Variants in FRYL observed in about 807,000 individuals in gnomAD.
FRYL encodes protein furry homolog-like.
FRYL carries 150 observed loss-of-function variants against 351.2 expected under a neutral mutation model. The ratio of observed to expected loss-of-function variants is 0.43; its 90% CI spans 0.37 to 0.49. The LOEUF (loss-of-function observed/expected upper bound fraction) is 0.49. FRYL is among the 20% of genes least tolerant of loss of function. The pLI, the probability that FRYL is intolerant of heterozygous loss-of-function variation, is 0.00. For missense variants in FRYL, 3,036 were observed against 3,619.3 expected (o/e 0.84, Z 4.13); for synonymous variants, 1,153 against 1,257.1 (o/e 0.92, Z 1.75).
chr4:48,528,919 A>G (rs1726899415), intron 50 of FRYL, among the ~76,000 whole-genome samples: 1 of 152,182 alleles, frequency 6.6e-6, no homozygotes, highest in South Asian at 2.1e-4. Flanking sequence ...TTGACTTTGT[A>G]AAGTGTTTTA....
At chr4:48,541,942 A>G (rs1305507358) in intron 45 of FRYL, 85 bp downstream of exon 45, 1 of 920,710 alleles carries the variant, frequency 1.1e-6, no homozygotes, top group Non-Finnish European at 1.8e-6. Context: ...GCTTACTAAC[A>G]ATATTAGAAT....
intron 1 of FRYL, among the ~76,000 whole-genome samples, chr4:48,775,177 C>A (rs1286877345): frequency 1.3e-5 from 2 of 152,174 alleles, no homozygotes; most frequent in Admixed American, 6.5e-5. Flanking sequence ...CCTGTGGAAG[C>A]CCAGGTTTGT....
chr4:48,576,005 C>A, intron 24 of FRYL, 25 bp downstream of exon 24: 2 of 1,519,572 alleles, frequency 1.3e-6, no homozygotes, highest in Non-Finnish European at 1.8e-6. Flanking sequence ...TTTCATATAT[C>A]CAACAGTGGA....
chr4:48,751,174 G>C (rs576803152), intron 1 of FRYL, among the ~76,000 whole-genome samples: 1 of 152,062 alleles, frequency 6.6e-6, no homozygotes, highest in South Asian at 2.1e-4. Flanking sequence ...AAGAAGATCA[G>C]TAATAAAGTA....
At chr4:48,737,842 C>T (rs1771614032) in intron 1 of FRYL, among the ~76,000 whole-genome samples, 1 of 152,156 alleles carries the variant, frequency 6.6e-6, no homozygotes, top group African/African-American at 2.4e-5. Flanking sequence ...TAATTCATCA[C>T]AGGAACAGGC....
chr4:48,738,417 C>T (rs1379057608), intron 1 of FRYL, among the ~76,000 whole-genome samples: 1 of 152,120 alleles, frequency 6.6e-6, no homozygotes, highest in Non-Finnish European at 1.5e-5. Context: ...ATGACAAAAA[C>T]TACAAAACTC....
chr4:48,719,384 G>A (rs1048250349), intron 1 of FRYL, among the ~76,000 whole-genome samples: 1 of 151,518 alleles, frequency 6.6e-6, no homozygotes, highest in African/African-American at 2.4e-5. Context: ...AAAGTAGAAA[G>A]TCACTTACCA....
intron 2 of FRYL, among the ~76,000 whole-genome samples, chr4:48,698,715 T>C (rs1252450055): frequency 1.3e-5 from 2 of 152,284 alleles, no homozygotes; most frequent in East Asian, 1.9e-4. Context: ...ATATAGAACA[T>C]GCCACCACAA....
At chr4:48,714,717 T>G (rs1331986781) in intron 1 of FRYL, among the ~76,000 whole-genome samples, 1 of 150,856 alleles carries the variant, frequency 6.6e-6, no homozygotes, top group East Asian at 2.0e-4. Flanking sequence ...GTACCATTCC[T>G]TCTGAAACTA....
intron 1 of FRYL, among the ~76,000 whole-genome samples, chr4:48,750,352 T>A (rs1429406567): frequency 6.6e-6 from 1 of 151,658 alleles, no homozygotes; most frequent in Non-Finnish European, 1.5e-5. Flanking sequence ...TCCCACCTAC[T>A]TGGGAGGCTG....
In FRYL at chr4:48,512,637, C is replaced by T; in HGVS notation, c.7989G>A (p.Leu2663=). Residue 2663 remains leucine, a synonymous_variant, in exon 57 of 64, where the codon CTG becomes CTA. Transcript: ENST00000358350. ...DGFPEVQTSP[L]PSPFLSAIIA... is the part of the protein sequence containing the mutation. ...TGATGGCAGAAAGAAATGGTGACGGCAGAGGCGACGTCTGTACTTCTGGAA... is the reference window on the plus strand; with the variant it reads ...TGATGGCAGAAAGAAATGGTGACGGTAGAGGCGACGTCTGTACTTCTGGAA... 1 of 1,614,008 alleles carries T rather than the reference C, an allele frequency of 6.2e-7. No individual in the cohort carries two copies. The highest frequency in any genetic ancestry group is 8.5e-7 in the Non-Finnish European group (1 of 1,179,934).
chr4:48,541,143 CTT>C (rs1052070438), intron 45 of FRYL, among the ~76,000 whole-genome samples, 183 bp from the exon 46 acceptor site: 2 of 152,142 alleles, frequency 1.3e-5, no homozygotes, highest in African/African-American at 4.8e-5. Context: ...ACAACAGTAT[CTT>C]TTCTCTTGTG....
chr4:48,533,978 G>A (rs1364259999), intron 49 of FRYL, among the ~76,000 whole-genome samples: 1 of 152,186 alleles, frequency 6.6e-6, no homozygotes. Flanking sequence ...TGTAATCCCA[G>A]CACTTTGGGA....
At chr4:48,581,124 C>A (rs965889805) in intron 21 of FRYL, among the ~76,000 whole-genome samples, 173 bp from the exon 22 acceptor site, 2 of 151,272 alleles carry the variant, frequency 1.3e-5, no homozygotes, top group African/African-American at 4.9e-5. Flanking sequence ...CGGCTCACTG[C>A]AAACTCCGCC....
intron 3 of FRYL, among the ~76,000 whole-genome samples, chr4:48,677,105 G>T (rs1488793596): frequency 6.6e-6 from 1 of 152,168 alleles, no homozygotes; most frequent in East Asian, 1.9e-4. Flanking sequence ...AAACCAAAGA[G>T]TTGTTTGAGA....
chr4:48,613,704 C>A (rs1280674993), intron 7 of FRYL, among the ~76,000 whole-genome samples: 8 of 151,974 alleles, frequency 5.3e-5, no homozygotes, highest in Admixed American at 3.3e-4. Context: ...GCCTGTAATC[C>A]CAGCACTCTG....
In FRYL at chr4:48,567,522, CA is replaced by C. The variant is rs1217174877; in HGVS notation, c.2997-103del. ...ATCAGAATAATACATGTTAATTTTG[CA>C]TGCTCATGGCAGCACGCAACTTAAT... On this transcript the variant is annotated intron_variant, in intron 27 of 63. Coordinates refer to ENST00000358350, the MANE Select transcript of FRYL (RefSeq NM_015030.2). The surrounding 1 kb of genome is among the most constrained non-coding windows in gnomAD (Gnocchi z 4.2). 7.4e-6 allele frequency: 6 copies of C among 808,246 alleles called. No individual in the cohort carries two copies. Among genetic ancestry groups the C allele is most frequent in the Non-Finnish European group, 1.1e-5 (6 of 539,488 alleles). 50.1% of individuals were successfully genotyped at this position (808,246 alleles called of 1,614,324 possible). A position where few individuals can be genotyped will look rare whatever the true frequency, so the allele number is the denominator to read the frequency against.
intron 21 of FRYL, 81 bp from the exon 22 acceptor site, chr4:48,581,032 C>A: frequency 1.3e-6 from 1 of 745,126 alleles, no homozygotes; most frequent in Non-Finnish European, 2.1e-6. Context: ...ACTAAAAATT[C>A]ACTTCAGCAC....
chr4:48,639,274 A>T (rs1205402544), intron 3 of FRYL, among the ~76,000 whole-genome samples: 1 of 152,190 alleles, frequency 6.6e-6, no homozygotes, highest in Non-Finnish European at 1.5e-5. Flanking sequence ...AAAATGTCAG[A>T]GGACTGACAG....
Sources: allele counts gnomAD v4.1 joint callset (sites outside exome capture counted in the v4.1 genomes callset), GRCh38; gene constraint gnomAD v4.1.1; non-coding constraint Gnocchi (gnomAD v3.1); transcripts MANE v1.5; gene names NCBI Gene and HGNC (gene_info 2026-07-23, HGNC 2026-07-21).